Variants in PPP1CB observed in about 807,000 individuals in gnomAD.
The protein encoded by PPP1CB is protein phosphatase 1 catalytic subunit beta, also known as serine/threonine-protein phosphatase PP1-beta catalytic subunit.
In PPP1CB, 2 loss-of-function variants were observed where a neutral mutation model predicts 43.7. The ratio of observed to expected loss-of-function variants is 0.05; its 90% CI spans 0.02 to 0.14. PPP1CB has a LOEUF of 0.14. Among genes scored for constraint, PPP1CB ranks in the 10% least tolerant of loss-of-function variants. The pLI, the probability that PPP1CB is intolerant of heterozygous loss-of-function variation, is 1.00. For synonymous variants in PPP1CB, 136 were observed against 135.6 expected, an observed-to-expected ratio of 1.00 and a Z score of -0.02; for missense variants, 84 against 398.0, an observed-to-expected ratio of 0.21 and a Z score of 6.71.
At chr2:28,775,271 C>T (rs149217802) in intron 1 of PPP1CB, among the ~76,000 whole-genome samples, 2,668 of 152,180 alleles carry the variant, frequency 0.018, 40 homozygotes, top group Non-Finnish European at 0.027. Context: ...TCATGCCCAG[C>T]TAATTTTTTG....
chr2:28,799,667 G>T lies in PPP1CB; in HGVS notation c.*364G>T, dbSNP rs1395827631. On this transcript the variant is annotated 3_prime_UTR_variant, in exon 8 of 8. Transcript: ENST00000395366. ...GTGTAATGTGGTTTTAGTGTTGCTT[G>T]GTTGTTTAATTATTTTGAGCTTGTT... 1.7e-5 allele frequency: 3 copies of T among 171,720 alleles called. No homozygotes were observed. The highest frequency in any genetic ancestry group is 2.5e-5 in the Non-Finnish European group (2 of 81,060). The allele number at this position is 171,720 out of a possible 1,614,324, so 10.6% of individuals were successfully genotyped here.
intron 1 of PPP1CB, among the ~76,000 whole-genome samples, chr2:28,774,590 T>C (rs1169591490): frequency 1.3e-5 from 2 of 152,122 alleles, no homozygotes; most frequent in African/African-American, 4.8e-5. Flanking sequence ...CACTCCCGGC[T>C]AATTCTTGTA....
At chr2:28,755,520 C>T (rs1292303274) in intron 1 of PPP1CB, among the ~76,000 whole-genome samples, 1 of 152,182 alleles carries the variant, frequency 6.6e-6, no homozygotes, top group Non-Finnish European at 1.5e-5. Flanking sequence ...TGTAGTGACC[C>T]TGTTGGCCAC....
At position 28,778,796 on chromosome 2, in the gene PPP1CB, T is replaced by C; in HGVS notation, c.185-13T>C. ...TAACCAATTTTTCTAAAACTGACTCTTTCTCTTTTTAGGAGATATTCATGG... is the reference window on the plus strand; with the variant it reads ...TAACCAATTTTTCTAAAACTGACTCCTTCTCTTTTTAGGAGATATTCATGG... On this transcript the variant is annotated splice_polypyrimidine_tract_variant and intron_variant, in intron 2 of 7. Coordinates refer to ENST00000395366, the MANE Select transcript of PPP1CB (RefSeq NM_002709.3). The C allele has an allele frequency of 6.5e-7, 1 of 1,532,298 alleles. No homozygotes were observed. Among genetic ancestry groups the C allele is most frequent in the Non-Finnish European group, 9.0e-7 (1 of 1,109,364 alleles). The allele number at this position is 1,532,298 out of a possible 1,614,324, so 94.9% of individuals were successfully genotyped here.
At chr2:28,792,207 G>A (rs968533661) in intron 6 of PPP1CB, among the ~76,000 whole-genome samples, 2 of 152,120 alleles carry the variant, frequency 1.3e-5, no homozygotes, top group Non-Finnish European at 2.9e-5. Flanking sequence ...GGGCACGGTG[G>A]CACATGCCTG....
chr2:28,755,465 A>T (rs1666468052), intron 1 of PPP1CB, among the ~76,000 whole-genome samples: 1 of 152,230 alleles, frequency 6.6e-6, no homozygotes, highest in Admixed American at 6.5e-5. Context: ...TTCTTGGATT[A>T]ACTTTTGCTT....
At chr2:28,785,985 A>G (rs1187336187) in intron 5 of PPP1CB, among the ~76,000 whole-genome samples, 2 of 152,168 alleles carry the variant, frequency 1.3e-5, no homozygotes, top group Non-Finnish European at 2.9e-5. Flanking sequence ...GAAGTTTTCA[A>G]GATGCTGAAA....
Position 28,799,075 on chromosome 2 carries a change from T to C in PPP1CB, c.880-124T>C, listed in dbSNP as rs1485466809. On this transcript the variant is annotated intron_variant, in intron 7 of 7. Transcript: ENST00000395366. Reference sequence around the variant, plus strand: ...ACTTTAAGAAATGTTTATGGAACTTTGCTATTCTACATTTTTATTGCATTT... The same window carrying C: ...ACTTTAAGAAATGTTTATGGAACTTCGCTATTCTACATTTTTATTGCATTT... 4.6e-6 allele frequency: 3 copies of C among 646,246 alleles called. No individual in the cohort carries two copies. In the African/African-American group the frequency reaches 5.5e-5, roughly 12 times the overall value. 40.0% of individuals were successfully genotyped at this position (646,246 alleles called of 1,614,324 possible).
chr2:28,792,600 A>G (rs1667412012), intron 6 of PPP1CB, among the ~76,000 whole-genome samples: 1 of 152,170 alleles, frequency 6.6e-6, no homozygotes, highest in Non-Finnish European at 1.5e-5. Flanking sequence ...CAGGGATTAG[A>G]TAAGGTGGCT....
Position 28,799,358 on chromosome 2 carries a change from A to G in PPP1CB, c.*55A>G, listed in dbSNP as rs1558313433. The G allele has an allele frequency of 1.4e-6, 2 of 1,392,512 alleles. No individual in the cohort carries two copies. Among genetic ancestry groups the G allele is most frequent in the Non-Finnish European group, 2.0e-6 (2 of 982,624 alleles). 86.3% of individuals were successfully genotyped at this position (1,392,512 alleles called of 1,614,324 possible). Reference sequence around the variant, plus strand: ...ATTTGTTAAGGACATACTTCATAATATATAAGTGTGCACTGTAAAACCATC... The same window carrying G: ...ATTTGTTAAGGACATACTTCATAATGTATAAGTGTGCACTGTAAAACCATC... On this transcript the variant is annotated 3_prime_UTR_variant, in exon 8 of 8. Coordinates refer to ENST00000395366, the MANE Select transcript of PPP1CB (RefSeq NM_002709.3).
chr2:28,793,653 T>G (rs890271703), intron 6 of PPP1CB, among the ~76,000 whole-genome samples: 12 of 152,196 alleles, frequency 7.9e-5, no homozygotes, highest in African/African-American at 2.9e-4. Flanking sequence ...ATTATTCCAA[T>G]TAAGCTAAAT....
At position 28,800,401 on chromosome 2, in the gene PPP1CB, G is replaced by A. The variant is rs2148065063; in HGVS notation, c.*1098G>A. 6.6e-6 allele frequency: 1 copy of A among 152,140 alleles called. No individual in the cohort carries two copies. The highest frequency in any genetic ancestry group is 1.5e-5 in the Non-Finnish European group (1 of 67,786). The allele number at this position is 152,140 out of a possible 1,614,324, so 9.4% of individuals were successfully genotyped here. A position where few individuals can be genotyped will look rare whatever the true frequency, so the allele number is the denominator to read the frequency against. On this transcript the variant is annotated 3_prime_UTR_variant, in exon 8 of 8. Coordinates refer to ENST00000395366, the MANE Select transcript of PPP1CB (RefSeq NM_002709.3). ...GGACATTTTGTCAACTATGGGTATT[G>A]GGTGCTTAACTGTCTAATATTGCCA...
chr2:28,783,825 G>T, intron 4 of PPP1CB, 82 bp from the exon 5 acceptor site: 11 of 906,312 alleles, frequency 1.2e-5, no homozygotes, highest in Non-Finnish European at 1.4e-5. Context: ...AATCTATTTT[G>T]ATTAAATGCT....
chr2:28,755,038 A>G (rs891543111), intron 1 of PPP1CB, among the ~76,000 whole-genome samples: 2 of 151,816 alleles, frequency 1.3e-5, no homozygotes, highest in African/African-American at 4.8e-5. Flanking sequence ...CGTATTATTG[A>G]TAAGTTTTTT....
intron 6 of PPP1CB, among the ~76,000 whole-genome samples, 163 bp from the exon 7 acceptor site, chr2:28,793,700 T>C (rs1215778901): frequency 1.3e-5 from 2 of 152,226 alleles, no homozygotes; most frequent in Non-Finnish European, 2.9e-5. Flanking sequence ...AGTTTTAATG[T>C]TCTAAGCAAA....
rs55736905 is a variant in PPP1CB, at chr2:28,800,226, C to CTTTTTTTTTTTTTTTTTTTTTTTTTTT, written c.*946_*947insTTTTTTTTTTTTTTTTTTTTTTTTTTT. ...TTGGTTTTCTTTTTCTTTTTTCTTTCTTTTTTTTTTTTTTTTTTTTTTTGA... is the reference window on the plus strand; with the variant it reads ...TTGGTTTTCTTTTTCTTTTTTCTTTCTTTTTTTTTTTTTTTTTTTTTTTTTTTTTTTTTTTTTTTTTTTTTTTTTTGA... On this transcript the variant is annotated 3_prime_UTR_variant, in exon 8 of 8. Coordinates refer to ENST00000395366, the MANE Select transcript of PPP1CB (RefSeq NM_002709.3). 1.1e-4 allele frequency: 7 copies of CTTTTTTTTTTTTTTTTTTTTTTTTTTT among 65,614 alleles called. No homozygotes were observed. Among genetic ancestry groups the CTTTTTTTTTTTTTTTTTTTTTTTTTTT allele is most frequent in the South Asian group, 6.2e-4 (1 of 1,604 alleles). The allele number at this position is 65,614 out of a possible 1,614,324, so 4.1% of individuals were successfully genotyped here. A position where few individuals can be genotyped will look rare whatever the true frequency, so the allele number is the denominator to read the frequency against.
intron 7 of PPP1CB, 28 bp from the exon 8 acceptor site, chr2:28,799,171 A>G: frequency 7.0e-7 from 1 of 1,419,318 alleles, no homozygotes; most frequent in Non-Finnish European, 9.8e-7. Context: ...TGAAAAAATA[A>G]CATTATTTGT....
intron 7 of PPP1CB, 90 bp from the exon 8 acceptor site, chr2:28,799,109 T>C (rs1572474313): frequency 1.1e-6 from 1 of 886,224 alleles, no homozygotes; most frequent in South Asian, 1.7e-5. Context: ...TTTTGCAGTT[T>C]ATGCCATTTA....
chr2:28,779,154 T>C, intron 3 of PPP1CB, 115 bp downstream of exon 3: 1 of 755,090 alleles, frequency 1.3e-6, no homozygotes. Context: ...CTGTCAGGCA[T>C]AGGCCAGGAA....
Sources: gnomAD v4.1 joint callset for allele counts (sites outside exome capture counted in the v4.1 genomes callset) on GRCh38, gnomAD v4.1.1 for gene constraint, MANE v1.5 for transcripts, NCBI Gene and HGNC (gene_info 2026-07-23, HGNC 2026-07-21) for gene names.